KCNK5: variants seen among roughly 807,000 people sequenced by gnomAD.
KCNK5 encodes the protein potassium channel subfamily K member 5.
A neutral mutation model predicts 32.9 loss-of-function variants in KCNK5; 18 were observed. The ratio of observed to expected loss-of-function variants is 0.55; its 90% CI spans 0.38 to 0.81. The LOEUF is 0.81. Among genes scored for constraint, KCNK5 ranks in the 30% least tolerant of loss-of-function variants. The probability of loss-of-function intolerance (pLI) is 0.00; values close to 1 mark genes in which losing one functional copy is unlikely to be tolerated. For synonymous variants in KCNK5, 276 were observed against 275.3 expected (o/e 1.00, Z -0.03); for missense variants, 507 against 651.0 (o/e 0.78, Z 2.41).
chr6:39,191,348 A>G lies in KCNK5; in HGVS notation c.1042T>C (p.Ser348Pro). ...TCCAAGGTGGGCACCCGGTTCTTGGAGTAGACTACCAGGGGCACCAGGGAA... is the reference window on the plus strand; with the variant it reads ...TCCAAGGTGGGCACCCGGTTCTTGGGGTAGACTACCAGGGGCACCAGGGAA... ...PPSLVPLVVY[S>P]KNRVPTLEEV... The change falls in exon 5 of 5, where the codon TCC (serine) becomes CCC (proline). Residue 348 changes from serine to proline, a missense_variant. By Grantham distance (74) the Ser-to-Pro change is moderately conservative. Around this residue, in one of 6 missense-constraint regions of KCNK5, gnomAD observed 252 missense variants for 250.8 expected, o/e 1.00. Transcript: ENST00000359534. This position sits in a 1 kb window ranked among gnomAD's most constrained non-coding sequence, Gnocchi z 5.8. 1 of 1,613,800 alleles carries G rather than the reference A, an allele frequency of 6.2e-7. No individual in the cohort carries two copies. The highest frequency in any genetic ancestry group is 8.5e-7 in the Non-Finnish European group (1 of 1,179,978).
Position 39,190,874 on chromosome 6 carries a change from G to A in KCNK5, c.*16C>T. On this transcript the variant is annotated 3_prime_UTR_variant, in exon 5 of 5. Transcript: ENST00000359534. ...GGAAGAGGCCATCAAAGGTGGGGTG[G>A]GGAGCCGGCCCTGCCTCATGTGCCC... The A allele has an allele frequency of 6.9e-7, 1 of 1,458,112 alleles. No individual in the cohort carries two copies. Among genetic ancestry groups the A allele is most frequent in the Non-Finnish European group, 9.1e-7 (1 of 1,103,446 alleles). The allele number at this position is 1,458,112 out of a possible 1,614,324, so 90.3% of individuals were successfully genotyped here. A position where few individuals can be genotyped will look rare whatever the true frequency, so the allele number is the denominator to read the frequency against.
intron 1 of KCNK5, among the ~76,000 whole-genome samples, chr6:39,198,728 T>A (rs1271718215): frequency 6.6e-6 from 1 of 152,138 alleles, no homozygotes; most frequent in Non-Finnish European, 1.5e-5. Flanking sequence ...GCTTGCAGGG[T>A]CAGGCCATAT....
chr6:39,190,781 G>C lies in KCNK5; in HGVS notation c.*109C>G. On this transcript the variant is annotated 3_prime_UTR_variant, in exon 5 of 5. Coordinates refer to ENST00000359534, the MANE Select transcript of KCNK5 (RefSeq NM_003740.4). Reference sequence around the variant, plus strand: ...GAAGGCCCCTGGCCCCCCACTCCCAGTTCCGAGGCTGCCCCCCCACCAGGG... The same window carrying C: ...GAAGGCCCCTGGCCCCCCACTCCCACTTCCGAGGCTGCCCCCCCACCAGGG... The C allele has an allele frequency of 8.5e-7, 1 of 1,180,476 alleles. No individual in the cohort carries two copies. The highest frequency in any genetic ancestry group is 1.1e-6 in the Non-Finnish European group (1 of 883,686). 73.1% of individuals were successfully genotyped at this position (1,180,476 alleles called of 1,614,324 possible).
At chr6:39,202,332 C>T (rs138738756) in intron 1 of KCNK5, among the ~76,000 whole-genome samples, 1 of 152,250 alleles carries the variant, frequency 6.6e-6, no homozygotes, top group African/African-American at 2.4e-5. Flanking sequence ...AGCAAGAGGG[C>T]AGGAAGGAGA....
At position 39,191,047 on chromosome 6, in the gene KCNK5, C is replaced by T. The variant is rs1280751947; in HGVS notation, c.1343G>A (p.Ser448Asn). 3.7e-6 allele frequency: 6 copies of T among 1,610,996 alleles called. No individual in the cohort carries two copies. The Admixed American group carries it at 1.0e-4, about 27-fold the overall frequency. ...CTTGGCTTCAGCCCCCTGCTGGGGG[C>T]TCTCCTCCCCTGCCAAGTTGTCCTC... is the stretch of plus-strand genomic sequence containing the variant. ...SLEDNLAGEE[S>N]PQQGAEAKAP... The change falls in exon 5 of 5, where the codon AGC (serine) becomes AAC (asparagine). Residue 448 changes from serine (S) to asparagine (N), a missense_variant. Coordinates refer to ENST00000359534, the MANE Select transcript of KCNK5 (RefSeq NM_003740.4). This position sits in a 1 kb window ranked among gnomAD's most constrained non-coding sequence, Gnocchi z 5.8.
At chr6:39,221,306 G>C (rs903005605) in intron 1 of KCNK5, among the ~76,000 whole-genome samples, 18 of 152,152 alleles carry the variant, frequency 1.2e-4, no homozygotes, top group African/African-American at 4.1e-4. Flanking sequence ...ACTATTGGTT[G>C]CCCAAGCCTG....
intron 1 of KCNK5, among the ~76,000 whole-genome samples, chr6:39,214,360 C>T (rs558320691): frequency 1.1e-4 from 16 of 152,318 alleles, no homozygotes; most frequent in South Asian, 4.1e-4. Context: ...GCATGGATGA[C>T]GGGCAGAGGG....
rs1353186463 is a variant in KCNK5 at position 39,229,432 on chromosome 6, C to A, written c.-321G>T. The A allele has an allele frequency of 1.0e-5, 3 of 296,084 alleles. No individual in the cohort carries two copies. Among genetic ancestry groups the A allele is most frequent in the South Asian group, 1.0e-4 (2 of 20,054 alleles). The allele number at this position is 296,084 out of a possible 1,614,324, so 18.3% of individuals were successfully genotyped here. ...CTTGACTCTGGGCAGACACGTGGGC[C>A]GCTTCTCCACGCGTCGCTCCTCCGC... On this transcript the variant is annotated 5_prime_UTR_variant, in exon 1 of 5. Transcript: ENST00000359534.
intron 1 of KCNK5, among the ~76,000 whole-genome samples, chr6:39,206,749 C>T (rs10947787): frequency 0.2 from 30,059 of 151,998 alleles, 3,403 homozygotes; most frequent in Admixed American, 0.25. Flanking sequence ...CATCCACTAG[C>T]GGGTTACCTG....
At chr6:39,198,279 G>C (rs78483469) in intron 1 of KCNK5, among the ~76,000 whole-genome samples, 121 of 152,322 alleles carry the variant, frequency 7.9e-4, no homozygotes, top group African/African-American at 2.6e-3. Context: ...AACCCTAGGA[G>C]GTATTGATCA....
rs1486663928 is a variant in KCNK5 at position 39,229,429 on chromosome 6, G to A, written c.-318C>T. 1.3e-5 allele frequency: 4 copies of A among 315,768 alleles called. No individual in the cohort carries two copies. The highest frequency in any genetic ancestry group is 4.3e-5 in the African/African-American group (2 of 46,766). The allele number at this position is 315,768 out of a possible 1,614,324, so 19.6% of individuals were successfully genotyped here. On this transcript the variant is annotated 5_prime_UTR_variant, in exon 1 of 5. Coordinates refer to ENST00000359534, the MANE Select transcript of KCNK5 (RefSeq NM_003740.4). ...GGACTTGACTCTGGGCAGACACGTG[G>A]GCCGCTTCTCCACGCGTCGCTCCTC...
intron 1 of KCNK5, among the ~76,000 whole-genome samples, chr6:39,228,297 C>G (rs1771708503): frequency 6.6e-6 from 1 of 152,204 alleles, no homozygotes; most frequent in Non-Finnish European, 1.5e-5. Flanking sequence ...GATGTCTCCG[C>G]GAGATAAGCC....
At chr6:39,210,454 G>A (rs1771315089) in intron 1 of KCNK5, among the ~76,000 whole-genome samples, 1 of 152,178 alleles carries the variant, frequency 6.6e-6, no homozygotes, top group Non-Finnish European at 1.5e-5. Flanking sequence ...CAAAAATGTA[G>A]CTGGGCACAC....
intron 1 of KCNK5, among the ~76,000 whole-genome samples, chr6:39,207,212 C>A (rs9471001): frequency 2.0e-5 from 3 of 152,140 alleles, no homozygotes; most frequent in Non-Finnish European, 4.4e-5. Context: ...ATTAAGCCTC[C>A]GTCCCGCTCC....
intron 1 of KCNK5, among the ~76,000 whole-genome samples, chr6:39,218,362 C>A (rs550252776): frequency 3.3e-5 from 5 of 152,248 alleles, no homozygotes; most frequent in Non-Finnish European, 5.9e-5. Flanking sequence ...AGCCACCACG[C>A]CCAGCCTATG....
In KCNK5 at chr6:39,195,941, T is replaced by C. The variant is rs1172803289; in HGVS notation, c.233A>G (p.Gln78Arg). 6.2e-7 allele frequency: 1 copy of C among 1,613,890 alleles called. No individual in the cohort carries two copies. Among genetic ancestry groups the C allele is most frequent in the East Asian group, 2.2e-5 (1 of 44,882 alleles). ...GGGCCAGTTCCAGTTGTTGAAGGTCTGGTTCCCTGTGATGGCCACACCCTG... is the reference window on the plus strand; with the variant it reads ...GGGCCAGTTCCAGTTGTTGAAGGTCCGGTTCCCTGTGATGGCCACACCCTG... Reference protein sequence around the residue: ...AGQGVAITGNQTFNNWNWPNA... With the variant: ...AGQGVAITGNRTFNNWNWPNA... Residue 78 changes from glutamine (Q) to arginine (R), a missense_variant, in exon 2 of 5, where the codon CAG becomes CGG. This residue lies in a region of KCNK5 where 143 missense variants were observed against 219.1 expected (regional missense o/e 0.65). Coordinates refer to ENST00000359534, the MANE Select transcript of KCNK5 (RefSeq NM_003740.4).
Position 39,194,331 on chromosome 6 carries a change from C to A in KCNK5, c.472G>T (p.Ala158Ser), listed in dbSNP as rs1770990687. ...LTKRGVSLRK[A>S]QITCTVIFIV... ...AAGATGACTGTGCACGTGATCTGCGCCTTCCGCTGATGGGGAGCAGGAGGC... is the reference window on the plus strand; with the variant it reads ...AAGATGACTGTGCACGTGATCTGCGACTTCCGCTGATGGGGAGCAGGAGGC... The change falls in exon 4 of 5, where the codon GCG becomes TCG. Residue 158 changes from alanine to serine, a missense_variant. Ala to Ser is a moderately conservative substitution (Grantham distance 99). Around this residue, in one of 6 missense-constraint regions of KCNK5, gnomAD observed 143 missense variants for 219.1 expected, o/e 0.65. Transcript: ENST00000359534. The surrounding 1 kb of genome is among the most constrained non-coding windows in gnomAD (Gnocchi z 4.7). 6.2e-7 allele frequency: 1 copy of A among 1,602,348 alleles called. No individual in the cohort carries two copies. The highest frequency in any genetic ancestry group is 1.3e-5 in the African/African-American group (1 of 74,684).
At chr6:39,196,220 G>C (rs1189005521) in intron 1 of KCNK5, among the ~76,000 whole-genome samples, 1 of 152,154 alleles carries the variant, frequency 6.6e-6, no homozygotes, top group East Asian at 1.9e-4. Context: ...TTCTTTCACT[G>C]AGTCAATGCT....
Position 39,191,017 on chromosome 6 carries a change from G to T in KCNK5, c.1373C>A (p.Pro458His). 1.3e-6 allele frequency: 2 copies of T among 1,597,842 alleles called. No individual in the cohort carries two copies. Among genetic ancestry groups the T allele is most frequent in the Non-Finnish European group, 1.7e-6 (2 of 1,172,442 alleles). The change falls in exon 5 of 5, where the codon CCC (proline) becomes CAC (histidine). Residue 458 changes from proline (P) to histidine (H), a missense_variant. Pro to His is a moderately conservative substitution (Grantham distance 77, BLOSUM62 -2). Transcript: ENST00000359534. The surrounding 1 kb of genome is among the most constrained non-coding windows in gnomAD (Gnocchi z 5.8). Reference sequence around the variant, plus strand: ...GGAGGGGAACTCGCCCATGTTCAGGGGCGCCTTGGCTTCAGCCCCCTGCTG... The same window carrying T: ...GGAGGGGAACTCGCCCATGTTCAGGTGCGCCTTGGCTTCAGCCCCCTGCTG... ...SPQQGAEAKA[P>H]LNMGEFPSSS...
Sources: gnomAD v4.1 joint callset for allele counts (sites outside exome capture counted in the v4.1 genomes callset) on GRCh38, gnomAD v4.1.1 for gene constraint, gnomAD v4.1.1 regional missense constraint, Gnocchi (gnomAD v3.1) non-coding constraint, MANE v1.5 for transcripts, NCBI Gene and HGNC (gene_info 2026-07-23, HGNC 2026-07-21) for gene names.